Variants in HECW1 observed in about 807,000 individuals in gnomAD.
HECW1 encodes HECT, C2 and WW domain containing E3 ubiquitin protein ligase 1, also known as E3 ubiquitin-protein ligase HECW1.
Under a neutral mutation model 182.3 loss-of-function variants are expected in HECW1, and 61 were observed. That is an observed-to-expected ratio of 0.33 (90% CI 0.27 to 0.41). The LOEUF (loss-of-function observed/expected upper bound fraction) is 0.41. HECW1 is among the 10% of genes least tolerant of loss of function. HECW1 has a pLI of 1.00. For missense variants in HECW1, 1,739 were observed against 2,108.9 expected (o/e 0.82, Z 3.44); for synonymous variants, 859 against 832.6 (o/e 1.03, Z -0.55).
intron 2 of HECW1, among the ~76,000 whole-genome samples, chr7:43,193,815 C>G (rs1794170432): frequency 6.6e-6 from 1 of 152,130 alleles, no homozygotes; most frequent in Admixed American, 6.6e-5. Flanking sequence ...TCCTGGGTGG[C>G]CTCTCCTGCC....
chr7:43,533,168 A>C (rs1260220345), intron 24 of HECW1, among the ~76,000 whole-genome samples: 12 of 151,908 alleles, frequency 7.9e-5, no homozygotes, highest in Non-Finnish European at 1.8e-4. Context: ...AGATGCTGTT[A>C]AACATCCTAT....
intron 2 of HECW1, among the ~76,000 whole-genome samples, chr7:43,129,833 A>G (rs113448724): frequency 3.6e-4 from 55 of 152,302 alleles, no homozygotes; most frequent in African/African-American, 1.2e-3. Flanking sequence ...CCCATAAGCT[A>G]CATACATCCT....
At chr7:43,467,208 T>C (rs909685596) in intron 15 of HECW1, among the ~76,000 whole-genome samples, 4 of 152,070 alleles carry the variant, frequency 2.6e-5, no homozygotes, top group Non-Finnish European at 5.9e-5. Flanking sequence ...TGAGGAGCAA[T>C]GACGTGAAAA....
intron 2 of HECW1, among the ~76,000 whole-genome samples, chr7:43,220,026 C>T (rs560948771): frequency 5.3e-5 from 8 of 152,262 alleles, no homozygotes; most frequent in South Asian, 4.1e-4. Context: ...GGCCAGACTT[C>T]GCAAGTCAAC....
chr7:43,472,796 C>T (rs1444238165), intron 16 of HECW1, among the ~76,000 whole-genome samples: 3 of 151,968 alleles, frequency 2.0e-5, no homozygotes, highest in Admixed American at 6.6e-5. Context: ...ATAAAAGTTA[C>T]CTACAAAAGA....
At chr7:43,322,911 T>C (rs185759076) in intron 5 of HECW1, among the ~76,000 whole-genome samples, 1 of 152,318 alleles carries the variant, frequency 6.6e-6, no homozygotes, top group African/African-American at 2.4e-5. Context: ...AAGTAGCAGT[T>C]CTCAATGGTG....
At chr7:43,427,580 C>T (rs1208435172) in intron 8 of HECW1, among the ~76,000 whole-genome samples, 3 of 152,204 alleles carry the variant, frequency 2.0e-5, no homozygotes, top group South Asian at 4.1e-4. Flanking sequence ...CAGTACATAA[C>T]AAATTGCCAC....
chr7:43,274,627 C>G (rs146564951), intron 3 of HECW1: 1 of 370,902 alleles, frequency 2.7e-6, no homozygotes, highest in Non-Finnish European at 5.1e-6. Context: ...AACTCAGGAA[C>G]GCCCCGGGGG....
chr7:43,228,735 A>G lies in HECW1; in HGVS notation c.-31-15140A>G, dbSNP rs562033361. Among the ~76,000 whole-genome samples the G allele has an allele frequency of 2.5e-3, 386 of 152,362 alleles. 3 individuals are homozygous for G. Among genetic ancestry groups the G allele is most frequent in the African/African-American group, 8.6e-3 (356 of 41,582 alleles). The stretch of plus-strand genomic sequence containing the variant: ...TCCACGATTATTTAATAGCAAAAAT[A>G]TAAACAATCTACGTGTCCAAAATGG... On this transcript the variant is annotated intron_variant, in intron 2 of 29. Coordinates refer to ENST00000395891, the MANE Select transcript of HECW1 (RefSeq NM_015052.5).
intron 3 of HECW1, among the ~76,000 whole-genome samples, chr7:43,270,542 G>A (rs1802282358): frequency 6.6e-6 from 1 of 152,154 alleles, no homozygotes. Context: ...TACTCCTGCT[G>A]AATTCTACTG....
At chr7:43,480,566 T>C (rs186219551) in intron 17 of HECW1, among the ~76,000 whole-genome samples, 2 of 151,938 alleles carry the variant, frequency 1.3e-5, no homozygotes, top group Admixed American at 6.6e-5. Flanking sequence ...ATCAAAAATA[T>C]GGAGTAGGAA....
At chr7:43,185,589 G>A (rs754821741) in intron 2 of HECW1, among the ~76,000 whole-genome samples, 1 of 152,098 alleles carries the variant, frequency 6.6e-6, no homozygotes, top group Non-Finnish European at 1.5e-5. Flanking sequence ...TGCTTGGTGG[G>A]GAAAAATCCG....
chr7:43,237,125 GGAA>G (rs1798429290), intron 2 of HECW1, among the ~76,000 whole-genome samples: 2 of 132,352 alleles, frequency 1.5e-5, no homozygotes, highest in African/African-American at 5.4e-5. Context: ...AAAAAAAGAA[GGAA>G]GGAAGGAAGG....
intron 2 of HECW1, among the ~76,000 whole-genome samples, chr7:43,186,750 A>G (rs1793448567): frequency 6.6e-6 from 1 of 152,200 alleles, no homozygotes; most frequent in South Asian, 2.1e-4. Flanking sequence ...AGATGCACAA[A>G]TACTTACCAT....
rs1364250767 is a variant in HECW1, at chr7:43,313,155, T to G, written c.352+1068T>G. On this transcript the variant is annotated intron_variant, in intron 4 of 29. Coordinates refer to ENST00000395891, the MANE Select transcript of HECW1 (RefSeq NM_015052.5). ...ATCAGCTTGGTTAGTGCGTTTATAA[T>G]ACACACATTAATGTAAAGATGGAGG... is the stretch of plus-strand genomic sequence containing the variant. Among the ~76,000 whole-genome samples the G allele has an allele frequency of 3.9e-5, 6 of 152,352 alleles. No individual in the cohort carries two copies. In the South Asian group the frequency reaches 1.2e-3, roughly 32 times the overall value.
At chr7:43,153,547 G>A (rs1483061410) in intron 2 of HECW1, among the ~76,000 whole-genome samples, 1 of 152,160 alleles carries the variant, frequency 6.6e-6, no homozygotes, top group African/African-American at 2.4e-5. Flanking sequence ...CCTCTTGTCA[G>A]CATCTGTTTT....
intron 3 of HECW1, among the ~76,000 whole-genome samples, chr7:43,267,995 A>T (rs559769731): frequency 1.3e-5 from 2 of 148,518 alleles, no homozygotes; most frequent in African/African-American, 5.1e-5. Flanking sequence ...AATTCACCTG[A>T]TAGTTATCAC....
intron 5 of HECW1, among the ~76,000 whole-genome samples, chr7:43,337,001 A>G (rs1812378259): frequency 6.6e-6 from 1 of 152,194 alleles, no homozygotes; most frequent in Non-Finnish European, 1.5e-5. Flanking sequence ...GCTGCAATAA[A>G]CATAGGAGTG....
chr7:43,129,630 AAAAC>A (rs1786681164), intron 2 of HECW1, among the ~76,000 whole-genome samples: 1 of 152,218 alleles, frequency 6.6e-6, no homozygotes, highest in African/African-American at 2.4e-5. Flanking sequence ...TTGAAAAACA[AAAAC>A]AAAACGGATA....
Sources: allele counts gnomAD v4.1 joint callset (sites outside exome capture counted in the v4.1 genomes callset), GRCh38; gene constraint gnomAD v4.1.1; transcripts MANE v1.5; gene names NCBI Gene and HGNC (gene_info 2026-07-23, HGNC 2026-07-21).